Variants in OTUD7A observed in about 807,000 individuals in gnomAD.
The protein encoded by OTUD7A is OTU deubiquitinase 7A, also known as OTU domain-containing protein 7A.
A neutral mutation model predicts 65.7 loss-of-function variants in OTUD7A; 12 were observed. That is an observed-to-expected ratio of 0.18 (90% confidence interval 0.12 to 0.30). The LOEUF is 0.30. OTUD7A is among the 10% of genes least tolerant of loss of function. OTUD7A has a pLI of 1.00. For synonymous variants in OTUD7A, 641 were observed against 586.3 expected (o/e 1.09, Z -1.35); for missense variants, 1,148 against 1,304.8 (o/e 0.88, Z 1.85).
chr15:31,759,971 T>C (rs1214534699), intron 1 of OTUD7A, among the ~76,000 whole-genome samples: 3 of 152,198 alleles, frequency 2.0e-5, no homozygotes, highest in African/African-American at 4.8e-5. Flanking sequence ...CAAATTTATA[T>C]CATATAGGCA....
At chr15:31,861,927 C>T (rs1897752536) in intron 1 of OTUD7A, among the ~76,000 whole-genome samples, 1 of 152,212 alleles carries the variant, frequency 6.6e-6, no homozygotes, top group Admixed American at 6.5e-5. Flanking sequence ...TGGCAGTCAA[C>T]ACCAATGGCA....
At chr15:31,654,866 C>A (rs1012647214) in intron 3 of OTUD7A, among the ~76,000 whole-genome samples, 73 of 152,148 alleles carry the variant, frequency 4.8e-4, no homozygotes, top group African/African-American at 1.7e-3. Flanking sequence ...GAAACTAAGG[C>A]CTACCACAAA....
At position 31,723,632 on chromosome 15, in the gene OTUD7A, G is replaced by A. The variant is rs1460117965; in HGVS notation, c.-99-66555C>T. Among the ~76,000 whole-genome samples, 151 of 95,078 alleles carry A rather than the reference G, an allele frequency of 1.6e-3. 1 individual carries two copies. Among genetic ancestry groups the A allele is most frequent in the Middle Eastern group, 8.3e-3 (2 of 240 alleles). The allele number at this position is 95,078 out of a possible 152,430, so 62.4% of individuals were successfully genotyped here. A position where few individuals can be genotyped will look rare whatever the true frequency, so the allele number is the denominator to read the frequency against. On this transcript the variant is annotated intron_variant, in intron 1 of 12. Transcript: ENST00000307050. ...CAGAGAGAGCTAGTTCATTTCCCCCGACTTGCTGCATTGCTTTCCCTTGTG... is the reference window on the plus strand; with the variant it reads ...CAGAGAGAGCTAGTTCATTTCCCCCAACTTGCTGCATTGCTTTCCCTTGTG...
intron 1 of OTUD7A, among the ~76,000 whole-genome samples, chr15:31,678,148 G>C (rs1892634799): frequency 6.6e-6 from 1 of 152,240 alleles, no homozygotes; most frequent in South Asian, 2.1e-4. Flanking sequence ...TATCTGGTGG[G>C]AGAAATTTCT....
At chr15:31,647,109 G>C (rs1352686120) in intron 3 of OTUD7A, among the ~76,000 whole-genome samples, 10 of 152,148 alleles carry the variant, frequency 6.6e-5, no homozygotes, top group Non-Finnish European at 1.5e-4. Flanking sequence ...AGTGGGAACG[G>C]GACACTTGGA....
chr15:31,634,294 AC>A (rs1891269610), intron 3 of OTUD7A, among the ~76,000 whole-genome samples: 1 of 151,816 alleles, frequency 6.6e-6, no homozygotes, highest in African/African-American at 2.4e-5. Context: ...GAAAAATGCA[AC>A]CCCCTCTCTC....
chr15:31,723,004 C>T (rs1893782483), intron 1 of OTUD7A, among the ~76,000 whole-genome samples: 4 of 152,190 alleles, frequency 2.6e-5, no homozygotes, highest in Admixed American at 2.6e-4. Flanking sequence ...CTCAGCGTTG[C>T]TGGAAAGATG....
chr15:31,606,943 G>A (rs1052623349), intron 3 of OTUD7A, among the ~76,000 whole-genome samples: 1 of 152,198 alleles, frequency 6.6e-6, no homozygotes, highest in Admixed American at 6.5e-5. Context: ...TGATAGCACA[G>A]TAAACAAATT....
intron 1 of OTUD7A, among the ~76,000 whole-genome samples, chr15:31,670,426 A>G (rs1892450947): frequency 6.6e-6 from 1 of 152,198 alleles, no homozygotes. Flanking sequence ...ATTTCTCCAC[A>G]GCGTCACCAG....
chr15:31,747,010 A>G (rs1379249800), intron 1 of OTUD7A, among the ~76,000 whole-genome samples: 1 of 152,206 alleles, frequency 6.6e-6, no homozygotes, highest in Non-Finnish European at 1.5e-5. Flanking sequence ...TTACTGATGT[A>G]AATTATACCT....
At chr15:31,694,932 G>A (rs60167601) in intron 1 of OTUD7A, among the ~76,000 whole-genome samples, 11,936 of 151,484 alleles carry the variant, frequency 0.079, 1,134 homozygotes, top group African/African-American at 0.23. Flanking sequence ...TGCAAGCTCC[G>A]CCTGCTGGGT....
chr15:31,583,129 C>T (rs1243927127), intron 3 of OTUD7A, among the ~76,000 whole-genome samples: 6 of 152,226 alleles, frequency 3.9e-5, no homozygotes, highest in Admixed American at 3.9e-4. Context: ...TGTCCAAGGT[C>T]AGTGTCAGTT....
At chr15:31,821,329 A>T (rs1291920571) in intron 1 of OTUD7A, among the ~76,000 whole-genome samples, 2 of 129,036 alleles carry the variant, frequency 1.5e-5, no homozygotes, top group Admixed American at 8.1e-5. Context: ...TTTTTTTAGT[A>T]GAGATGCGGT....
At chr15:31,824,530 T>C (rs1040654652) in intron 1 of OTUD7A, among the ~76,000 whole-genome samples, 42 of 152,194 alleles carry the variant, frequency 2.8e-4, no homozygotes, top group African/African-American at 1.0e-3. Flanking sequence ...TCCTAAATGA[T>C]TGTTCTAAAG....
At chr15:31,588,764 CT>C (rs1889623860) in intron 3 of OTUD7A, among the ~76,000 whole-genome samples, 1 of 152,216 alleles carries the variant, frequency 6.6e-6, no homozygotes, top group Non-Finnish European at 1.5e-5. Flanking sequence ...CCAAGGCTGC[CT>C]GGGCGGCAGC....
chr15:31,848,002 C>A lies in OTUD7A; in HGVS notation c.-100+22505G>T, dbSNP rs181637443. On this transcript the variant is annotated intron_variant, in intron 1 of 12. Transcript: ENST00000307050. ...TCCAGTCACCTCCCAGCAGCCCACA[C>A]CTTCAACATGTGCAGATTACAGTTC... Among the ~76,000 whole-genome samples the A allele has an allele frequency of 4.2e-4, 64 of 152,318 alleles. 1 individual carries two copies. The East Asian group carries it at 0.01, about 24-fold the overall frequency.
intron 8 of OTUD7A, among the ~76,000 whole-genome samples, chr15:31,505,878 T>C (rs2041554589): frequency 6.6e-6 from 1 of 151,870 alleles, no homozygotes; most frequent in Admixed American, 6.6e-5. Flanking sequence ...GCCTCCCTGG[T>C]AGCTGGGACT....
intron 3 of OTUD7A, among the ~76,000 whole-genome samples, chr15:31,597,126 C>T (rs1168167601): frequency 6.6e-6 from 1 of 151,884 alleles, no homozygotes; most frequent in Non-Finnish European, 1.5e-5. Context: ...CAGAGTTTTG[C>T]CATGTTGCCC....
intron 1 of OTUD7A, among the ~76,000 whole-genome samples, chr15:31,835,507 T>C (rs1897032333): frequency 6.6e-6 from 1 of 152,128 alleles, no homozygotes; most frequent in Non-Finnish European, 1.5e-5. Flanking sequence ...CCGCAAATAA[T>C]AAGTACAAGG....
Sources: gnomAD v4.1 joint callset for allele counts (sites outside exome capture counted in the v4.1 genomes callset) on GRCh38, gnomAD v4.1.1 for gene constraint, MANE v1.5 for transcripts, NCBI Gene and HGNC (gene_info 2026-07-23, HGNC 2026-07-21) for gene names.